Variants in GUSB observed in about 807,000 individuals in gnomAD.
GUSB encodes the protein glucuronidase beta.
A neutral mutation model predicts 74.6 loss-of-function variants in GUSB; 51 were observed. That is an observed-to-expected ratio of 0.68 (90% CI 0.55 to 0.86). The LOEUF (loss-of-function observed/expected upper bound fraction) is 0.86. Among genes scored for constraint, GUSB ranks in the 40% least tolerant of loss-of-function variants. The pLI is 0.00. For missense variants in GUSB, 736 were observed against 853.7 expected (o/e 0.86, Z 1.72); for synonymous variants, 360 against 348.3 (o/e 1.03, Z -0.37).
intron 4 of GUSB, among the ~76,000 whole-genome samples, chr7:65,976,794 G>A (rs1338158328): frequency 8.6e-5 from 13 of 151,832 alleles, no homozygotes; most frequent in East Asian, 2.0e-4. Context: ...TCAGCCGGTC[G>A]TGGTGGTGCG....
In GUSB at chr7:65,982,178, G is replaced by A. The variant is rs758903707; in HGVS notation, c.6C>T (p.Ala2=). M[A]RGSAVAWAAL... ...CCGCCCAGGCAACCGCCGACCCCCGGGCCATGCTTCCCGGTCCCCCGCTCG... is the reference window on the plus strand; with the variant it reads ...CCGCCCAGGCAACCGCCGACCCCCGAGCCATGCTTCCCGGTCCCCCGCTCG... Residue 2 remains alanine (A), a synonymous_variant, in exon 1 of 12, where the codon GCC becomes GCT. Coordinates refer to ENST00000304895, the MANE Select transcript of GUSB (RefSeq NM_000181.4). 3 of 1,512,918 alleles carry A rather than the reference G, an allele frequency of 2.0e-6. No homozygotes were observed. Among genetic ancestry groups the A allele is most frequent in the Non-Finnish European group, 2.7e-6 (3 of 1,130,770 alleles). The allele number at this position is 1,512,918 out of a possible 1,614,324, so 93.7% of individuals were successfully genotyped here. A position where few individuals can be genotyped will look rare whatever the true frequency, so the allele number is the denominator to read the frequency against.
At chr7:65,973,392 T>C (rs1436762426) in intron 8 of GUSB, among the ~76,000 whole-genome samples, 1 of 152,058 alleles carries the variant, frequency 6.6e-6, no homozygotes, top group Non-Finnish European at 1.5e-5. Context: ...ATCGAGACCA[T>C]CCTAGCCAAA....
intron 8 of GUSB, 37 bp downstream of exon 8, chr7:65,974,258 T>C (rs748839927): frequency 1.9e-6 from 3 of 1,610,398 alleles, no homozygotes; most frequent in Middle Eastern, 1.7e-4. Flanking sequence ...CAGGGTCTCC[T>C]TCCCACTCTA....
Position 65,980,209 on chromosome 7 carries a change from C to G in GUSB, c.396+15G>C. ...TGCCCCCCCACCCGCCCTGCCTGCT[C>G]CTGGCCGCACTGACCACGATGGCAT... On this transcript the variant is annotated intron_variant, in intron 2 of 11. Transcript: ENST00000304895. 2 of 1,514,868 alleles carry G rather than the reference C, an allele frequency of 1.3e-6. No individual in the cohort carries two copies. The highest frequency in any genetic ancestry group is 2.3e-5 in the South Asian group (2 of 85,178). 93.8% of individuals were successfully genotyped at this position (1,514,868 alleles called of 1,614,324 possible).
In GUSB at chr7:65,975,043, C is replaced by T. The variant is rs376068646; in HGVS notation, c.941G>A (p.Gly314Glu). The stretch of plus-strand genomic sequence containing the variant: ...GAGTGTGTAGAAGTCAGACACAGGC[C>T]CCAGTGACGTCTGTGCAGTCAGCTG... ...EVQLTAQTSL[G>E]PVSDFYTLPV... The change falls in exon 6 of 12, where the codon GGG becomes GAG. Residue 314 changes from glycine to glutamate, a missense_variant. Coordinates refer to ENST00000304895, the MANE Select transcript of GUSB (RefSeq NM_000181.4). The T allele has an allele frequency of 5.6e-6, 9 of 1,613,436 alleles. No individual in the cohort carries two copies. The highest frequency in any genetic ancestry group is 7.6e-6 in the Non-Finnish European group (9 of 1,179,668).
chr7:65,965,829 A>G (rs1029664712), intron 10 of GUSB, among the ~76,000 whole-genome samples: 1 of 152,100 alleles, frequency 6.6e-6, no homozygotes, highest in Non-Finnish European at 1.5e-5. Flanking sequence ...CCAGCACTGC[A>G]GAGGTTCTAT....
intron 5 of GUSB, 71 bp from the exon 6 acceptor site, chr7:65,975,142 G>T: frequency 7.0e-7 from 1 of 1,435,524 alleles, no homozygotes; most frequent in South Asian, 1.1e-5. Flanking sequence ...CCTCCAGCAG[G>T]AAGGCCCCTC....
At chr7:65,977,853 T>C (rs967334211) in intron 4 of GUSB, among the ~76,000 whole-genome samples, 25 of 152,086 alleles carry the variant, frequency 1.6e-4, no homozygotes, top group Non-Finnish European at 2.4e-4. Flanking sequence ...CTCTGTCCCC[T>C]AGGCTGGAGT....
intron 11 of GUSB, among the ~76,000 whole-genome samples, chr7:65,961,698 G>A (rs117071408): frequency 8.0e-4 from 121 of 152,152 alleles, no homozygotes; most frequent in Non-Finnish European, 1.4e-3. Context: ...GAGGAAACCC[G>A]CCTCTATTAA....
At chr7:65,964,658 AAAC>A (rs1392301792) in intron 10 of GUSB, among the ~76,000 whole-genome samples, 200 bp from the exon 11 acceptor site, 1 of 152,184 alleles carries the variant, frequency 6.6e-6, no homozygotes, top group Non-Finnish European at 1.5e-5. Flanking sequence ...TTAAAAAAAA[AAAC>A]AACCTTAATG....
At position 65,967,729 on chromosome 7, in the gene GUSB, A is replaced by C; in HGVS notation, c.1653+2T>G. ...ACAAGCAGAAAGCTCAACACTGCTT[A>C]CCTGGTGAAACCCTGCAATCGTTTC... is the stretch of plus-strand genomic sequence containing the variant. On this transcript the variant is annotated splice_donor_variant, in intron 10 of 11. Transcript: ENST00000304895. LOFTEE classifies it high-confidence loss of function. The C allele has an allele frequency of 1.2e-6, 2 of 1,612,606 alleles. No homozygotes were observed. The highest frequency in any genetic ancestry group is 1.7e-6 in the Non-Finnish European group (2 of 1,179,024).
Position 65,982,160 on chromosome 7 carries a change from G to A in GUSB, c.24C>T (p.Ala8=). MARGSAV[A]WAALGPLLWG... is the part of the protein sequence containing the mutation. ...ACAACAACGGCCCGAGCGCCGCCCA[G>A]GCAACCGCCGACCCCCGGGCCATGC... The change falls in exon 1 of 12, where the codon GCC becomes GCT. Residue 8 remains alanine, a synonymous_variant. Coordinates refer to ENST00000304895, the MANE Select transcript of GUSB (RefSeq NM_000181.4). 2.6e-6 allele frequency: 4 copies of A among 1,521,016 alleles called. No homozygotes were observed. Among genetic ancestry groups the A allele is most frequent in the South Asian group, 1.2e-5 (1 of 82,984 alleles). 94.2% of individuals were successfully genotyped at this position (1,521,016 alleles called of 1,614,324 possible).
Position 65,974,981 on chromosome 7 carries a change from G to A in GUSB, c.1003C>T (p.Gln335Ter). Reference protein sequence around the residue: ...GIRTVAVTKSQFLINGKPFYF... With the variant: ...GIRTVAVTKS ...AAAGGTTTCCCATTGATGAGGAACT[G>A]GCTCTTGGTGACAGCCACAGTGCGG... is the stretch of plus-strand genomic sequence containing the variant. Residue 335 changes from glutamine to a stop codon, truncating the protein, a stop_gained, in exon 6 of 12, where the codon CAG (glutamine) becomes TAG (stop). Coordinates refer to ENST00000304895, the MANE Select transcript of GUSB (RefSeq NM_000181.4). LOFTEE classifies it high-confidence loss of function. The A allele has an allele frequency of 6.2e-7, 1 of 1,613,668 alleles. No homozygotes were observed.
At chr7:65,974,762 G>A (rs1193854561) in intron 6 of GUSB, 58 bp from the exon 7 acceptor site, 4 of 1,596,754 alleles carry the variant, frequency 2.5e-6, no homozygotes, top group African/African-American at 1.3e-5. Context: ...CTTCCTCTGA[G>A]AGCCAGGACC....
chr7:65,981,882 C>T (rs1792050405), intron 1 of GUSB, 92 bp downstream of exon 1: 12 of 1,147,204 alleles, frequency 1.0e-5, no homozygotes, highest in Non-Finnish European at 1.3e-5. Context: ...AGCTCGGAGA[C>T]GCCCAGGGGA....
chr7:65,981,205 CTTT>C (rs374713676), intron 1 of GUSB, among the ~76,000 whole-genome samples: 4 of 132,136 alleles, frequency 3.0e-5, no homozygotes, highest in Non-Finnish European at 4.8e-5. Flanking sequence ...CACCCTGTAT[CTTT>C]TTTTTTTTTT....
chr7:65,962,002 C>CA (rs11287621), intron 11 of GUSB, among the ~76,000 whole-genome samples: 35 of 142,204 alleles, frequency 2.5e-4, no homozygotes, highest in African/African-American at 5.0e-4. Flanking sequence ...ACTCCATCTC[C>CA]AAAAAAAAAA....
At chr7:65,981,245 T>C (rs1791995609) in intron 1 of GUSB, among the ~76,000 whole-genome samples, 1 of 149,890 alleles carries the variant, frequency 6.7e-6, no homozygotes, top group Non-Finnish European at 1.5e-5. Context: ...TTTTTTTTTT[T>C]TGGAGACGTA....
intron 2 of GUSB, 77 bp from the exon 3 acceptor site, chr7:65,979,988 A>T: frequency 8.1e-7 from 1 of 1,237,760 alleles, no homozygotes; most frequent in Non-Finnish European, 1.1e-6. Flanking sequence ...GCACTCCCTC[A>T]CATAACCTGC....
Sources: gnomAD v4.1 joint callset for allele counts (sites outside exome capture counted in the v4.1 genomes callset) on GRCh38, gnomAD v4.1.1 for gene constraint, MANE v1.5 for transcripts, NCBI Gene and HGNC (gene_info 2026-07-23, HGNC 2026-07-21) for gene names.